DGKH: variants seen among roughly 807,000 people sequenced by gnomAD.
DGKH encodes the protein diacylglycerol kinase eta, also known as DAG kinase eta.
Under a neutral mutation model 159.3 loss-of-function variants are expected in DGKH, and 90 were observed. The ratio of observed to expected loss-of-function variants is 0.57; its 90% CI spans 0.48 to 0.67. DGKH has a LOEUF of 0.67. Among genes scored for constraint, DGKH ranks in the 30% least tolerant of loss-of-function variants. The probability of loss-of-function intolerance (pLI) is 0.00; values close to 1 mark genes in which losing one functional copy is unlikely to be tolerated. For synonymous variants in DGKH, 536 were observed against 553.8 expected, an observed-to-expected ratio of 0.97 and a Z score of 0.45; for missense variants, 1,181 against 1,506.1, an observed-to-expected ratio of 0.78 and a Z score of 3.57.
In DGKH at chr13:42,132,845, T is replaced by C. The variant is rs192951172; in HGVS notation, c.384+3213T>C. On this transcript the variant is annotated intron_variant, in intron 3 of 29. Transcript: ENST00000337343. The stretch of plus-strand genomic sequence containing the variant: ...GCTCTAGTGAGCCATGATCCCAGCC[T>C]GGGCAACAGAGTGAGACCCTGTCTA... 1.9e-3 allele frequency among the ~76,000 whole-genome samples: 287 copies of C among 152,198 alleles called. 2 individuals are homozygous for C. Among genetic ancestry groups the C allele is most frequent in the Non-Finnish European group, 3.1e-3 (208 of 68,000 alleles).
Position 42,168,700 on chromosome 13 carries a change from T to C in DGKH, c.1249T>C (p.Leu417=). 6.2e-7 allele frequency: 1 copy of C among 1,614,160 alleles called. No homozygotes were observed. The highest frequency in any genetic ancestry group is 8.5e-7 in the Non-Finnish European group (1 of 1,180,004). Residue 417 remains leucine (L), a synonymous_variant, in exon 11 of 30, where the codon TTG becomes CTG. Transcript: ENST00000337343. ...TCAGTGTCAGCTGGGAGTGTTGCCT[T>C]TGGGTACAGGAAATGACCTTGCCCG... ...NKQCQLGVLP[L]GTGNDLARVL...
chr13:42,178,096 C>A, intron 12 of DGKH, 39 bp from the exon 13 acceptor site: 2 of 1,488,120 alleles, frequency 1.3e-6, no homozygotes, highest in South Asian at 1.3e-5. Context: ...GTATAAATGC[C>A]AGCAACAATA....
At position 42,168,342 on chromosome 13, in the gene DGKH, T is replaced by C. The variant is rs572462204; in HGVS notation, c.1119-98T>C. On this transcript the variant is annotated intron_variant, in intron 9 of 29. Coordinates refer to ENST00000337343, the MANE Select transcript of DGKH (RefSeq NM_178009.5). ...ATTAACATGTAAGTAGGAGTTCTTA[T>C]ATTTAATCTGAATATGAATACTGAT... The C allele has an allele frequency of 7.8e-6, 8 of 1,019,278 alleles. No individual in the cohort carries two copies. In the East Asian group the frequency reaches 2.1e-4, roughly 27 times the overall value. The allele number at this position is 1,019,278 out of a possible 1,614,324, so 63.1% of individuals were successfully genotyped here.
At position 42,159,262 on chromosome 13, in the gene DGKH, T is replaced by TTTTTTTTTTTTTTG; in HGVS notation, c.623-3_623-2insTTTTTTTTTTTTGT. On this transcript the variant is annotated splice_polypyrimidine_tract_variant and splice_region_variant and intron_variant, in intron 5 of 29. Coordinates refer to ENST00000337343, the MANE Select transcript of DGKH (RefSeq NM_178009.5). ...AGTTGCTCTTTTTTTTTTTTTTTTTTTAGTGTGTAAATTCAAGGCTCACAA... is the reference window on the plus strand; with the variant it reads ...AGTTGCTCTTTTTTTTTTTTTTTTTTTTTTTTTTTTTTTGTAGTGTGTAAATTCAAGGCTCACAA... 1.6e-6 allele frequency: 2 copies of TTTTTTTTTTTTTTG among 1,248,608 alleles called. No homozygotes were observed. Among genetic ancestry groups the TTTTTTTTTTTTTTG allele is most frequent in the Non-Finnish European group, 2.2e-6 (2 of 892,650 alleles). 77.3% of individuals were successfully genotyped at this position (1,248,608 alleles called of 1,614,324 possible).
At chr13:42,198,734 T>A in intron 18 of DGKH, 139 bp downstream of exon 18, 1 of 786,478 alleles carries the variant, frequency 1.3e-6, no homozygotes, top group Non-Finnish European at 2.0e-6. Context: ...ATTACAAAAG[T>A]TGATAATGCC....
At chr13:42,115,332 C>G (rs897852741) in intron 1 of DGKH, among the ~76,000 whole-genome samples, 5 of 152,196 alleles carry the variant, frequency 3.3e-5, no homozygotes, top group South Asian at 2.1e-4. Flanking sequence ...TTCTTCATAT[C>G]AAATACTTGG....
At chr13:42,161,810 A>C in intron 7 of DGKH, among the ~76,000 whole-genome samples, 1 of 151,942 alleles carries the variant, frequency 6.6e-6, no homozygotes, top group East Asian at 1.9e-4. Flanking sequence ...GAAAAGAAAA[A>C]GAAAACACAT....
At position 42,233,284 on chromosome 13, in the gene DGKH, A is replaced by C. The variant is rs923813748; in HGVS notation, c.*4096A>C. Reference sequence around the variant, plus strand: ...GCACTGGTGCAGATCATTGCTACTCAAAATGTGATCCATGGGCCAGCAGCA... The same window carrying C: ...GCACTGGTGCAGATCATTGCTACTCCAAATGTGATCCATGGGCCAGCAGCA... On this transcript the variant is annotated 3_prime_UTR_variant, in exon 30 of 30. Coordinates refer to ENST00000337343, the MANE Select transcript of DGKH (RefSeq NM_178009.5). 6.6e-6 allele frequency: 1 copy of C among 152,246 alleles called. No individual in the cohort carries two copies. Among genetic ancestry groups the C allele is most frequent in the Non-Finnish European group, 1.5e-5 (1 of 68,050 alleles). The allele number at this position is 152,246 out of a possible 1,614,324, so 9.4% of individuals were successfully genotyped here.
intron 7 of DGKH, among the ~76,000 whole-genome samples, chr13:42,161,882 T>A (rs1956191054): frequency 6.6e-6 from 1 of 152,194 alleles, no homozygotes. Flanking sequence ...AATTTGTATA[T>A]CTTTACTTTA....
intron 26 of DGKH, among the ~76,000 whole-genome samples, chr13:42,218,272 G>C (rs144027672): frequency 6.6e-6 from 1 of 152,106 alleles, no homozygotes; most frequent in African/African-American, 2.4e-5. Context: ...GATAATAGGT[G>C]AGCAGTTAAA....
downstream of DGKH, among the ~76,000 whole-genome samples, chr13:42,245,474 T>C (rs1202492799): frequency 6.6e-6 from 1 of 152,204 alleles, no homozygotes; most frequent in Non-Finnish European, 1.5e-5. Flanking sequence ...TGATCATATG[T>C]AAAGGCAAAA....
At chr13:42,106,869 C>T (rs1008889524) in intron 1 of DGKH, among the ~76,000 whole-genome samples, 1 of 118,752 alleles carries the variant, frequency 8.4e-6, no homozygotes, top group African/African-American at 3.5e-5. Context: ...GGTGAAACCC[C>T]GTCTCTACTA....
intron 1 of DGKH, among the ~76,000 whole-genome samples, chr13:42,090,056 G>T (rs1349850543): frequency 6.6e-6 from 1 of 152,094 alleles, no homozygotes; most frequent in Non-Finnish European, 1.5e-5. Context: ...TAATATATTT[G>T]GAAAAGTTGG....
At chr13:42,220,636 A>G (rs1957943576) in intron 28 of DGKH, among the ~76,000 whole-genome samples, 1 of 152,254 alleles carries the variant, frequency 6.6e-6, no homozygotes, top group African/African-American at 2.4e-5. Context: ...TCAATGTTGA[A>G]TAAAATGTAT....
chr13:42,226,166 G>C (rs1210555652), intron 29 of DGKH, among the ~76,000 whole-genome samples: 1 of 152,002 alleles, frequency 6.6e-6, no homozygotes, highest in African/African-American at 2.4e-5. Flanking sequence ...TTCAAAAGAA[G>C]ACATGTGGCC....
In DGKH at chr13:42,219,718, C is replaced by G; in HGVS notation, c.3366C>G (p.Asn1122Lys). The G allele has an allele frequency of 6.2e-7, 1 of 1,613,728 alleles. No individual in the cohort carries two copies. Among genetic ancestry groups the G allele is most frequent in the Non-Finnish European group, 8.5e-7 (1 of 1,179,794 alleles). ...CTATGGATTGCACCAAAAGGAACAA[C>G]AGAAGCACCGTATTTCGAATAGTGC... Reference protein sequence around the residue: ...EPPMDCTKRNNRSTVFRIVPK... With the variant: ...EPPMDCTKRNKRSTVFRIVPK... The change falls in exon 28 of 30, where the codon AAC (asparagine) becomes AAG (lysine). Residue 1122 changes from asparagine (N) to lysine (K), a missense_variant. Coordinates refer to ENST00000337343, the MANE Select transcript of DGKH (RefSeq NM_178009.5).
chr13:42,043,684 T>C (rs1880644453), upstream of DGKH: 1 of 152,234 alleles, frequency 6.6e-6, no homozygotes. Flanking sequence ...AGTATGCTCA[T>C]TTACATTTAT....
At chr13:42,209,094 T>G (rs1297853225) in intron 22 of DGKH, 22 bp downstream of exon 22, 2 of 1,593,744 alleles carry the variant, frequency 1.3e-6, no homozygotes, top group African/African-American at 1.3e-5. Flanking sequence ...TCGTCAAACC[T>G]GACTGCACTT....
intron 1 of DGKH, among the ~76,000 whole-genome samples, chr13:42,092,992 C>T (rs1459749844): frequency 6.6e-6 from 1 of 152,130 alleles, no homozygotes; most frequent in Non-Finnish European, 1.5e-5. Context: ...CCTAAAATCC[C>T]AGCACTTTTG....
Sources: gnomAD v4.1 joint callset for allele counts (sites outside exome capture counted in the v4.1 genomes callset) on GRCh38, gnomAD v4.1.1 for gene constraint, MANE v1.5 for transcripts, NCBI Gene and HGNC (gene_info 2026-07-23, HGNC 2026-07-21) for gene names.